CYP51A1: variants seen among roughly 807,000 people sequenced by gnomAD.
CYP51A1 encodes cytochrome P450 family 51 subfamily A member 1, also known as lanosterol 14-alpha demethylase.
In CYP51A1, 45 loss-of-function variants were observed where a neutral mutation model predicts 53.5. The observed-to-expected ratio is 0.84, with a 90% CI of 0.66 to 1.08. The LOEUF (loss-of-function observed/expected upper bound fraction) is 1.08, where lower values mean the gene tolerates loss of function less well. CYP51A1 is among the 50% of genes least tolerant of loss of function. The probability of loss-of-function intolerance (pLI) is 0.00; values close to 1 mark genes in which losing one functional copy is unlikely to be tolerated. For synonymous variants in CYP51A1, 181 were observed against 217.7 expected (o/e 0.83, Z 1.48); for missense variants, 462 against 621.7 (o/e 0.74, Z 2.73).
At chr7:92,131,657 T>G (rs1361502394) in intron 2 of CYP51A1, 117 bp downstream of exon 2, 2 of 586,188 alleles carry the variant, frequency 3.4e-6, no homozygotes, top group East Asian at 5.8e-5. Flanking sequence ...TTTCCTATAC[T>G]GAGGATATGT....
At position 92,128,416 on chromosome 7, in the gene CYP51A1, TTTGG is replaced by T. The variant is rs535453898; in HGVS notation, c.468+460_468+463del. On this transcript the variant is annotated intron_variant, in intron 3 of 9. Coordinates refer to ENST00000003100, the MANE Select transcript of CYP51A1 (RefSeq NM_000786.4). ...GGTTCTACATTTTATTACATTTTTG[TTTGG>T]TTGGTTTCTGTGTGTGTGTGTGTGT... Among the ~76,000 whole-genome samples the T allele has an allele frequency of 2.8e-4, 39 of 141,252 alleles. No individual in the cohort carries two copies. In the South Asian group the frequency reaches 6.7e-3, roughly 24 times the overall value. 92.7% of individuals were successfully genotyped at this position (141,252 alleles called of 152,430 possible).
At position 92,131,869 on chromosome 7, in the gene CYP51A1, T is replaced by C. The variant is rs1352969867; in HGVS notation, c.196A>G (p.Ser66Gly). The change falls in exon 2 of 10, where the codon AGT becomes GGT. Residue 66 changes from serine to glycine, a missense_variant. Ser to Gly is a moderately conservative substitution (Grantham distance 56). Transcript: ENST00000003100. Reference sequence around the variant, plus strand: ...ATTGGGGAGAAAATGTATGGAGGACTTTTCTACAAGAGAAAAAAATAGTAA... The same window carrying C: ...ATTGGGGAGAAAATGTATGGAGGACCTTTCTACAAGAGAAAAAAATAGTAA... Reference protein sequence around the residue: ...HLVQLPAGVKSPPYIFSPIPF... With the variant: ...HLVQLPAGVKGPPYIFSPIPF... The C allele has an allele frequency of 3.8e-6, 6 of 1,564,684 alleles. No homozygotes were observed. Among genetic ancestry groups the C allele is most frequent in the Middle Eastern group, 3.3e-4 (2 of 5,994 alleles).
chr7:92,118,934 A>T (rs543647129), intron 7 of CYP51A1, among the ~76,000 whole-genome samples: 91 of 152,348 alleles, frequency 6.0e-4, no homozygotes, highest in African/African-American at 2.0e-3. Flanking sequence ...GCTTGCAACA[A>T]TCTAAGGAGA....
chr7:92,115,391 C>G (rs1819562588), intron 9 of CYP51A1, among the ~76,000 whole-genome samples: 1 of 151,984 alleles, frequency 6.6e-6, no homozygotes, highest in South Asian at 2.1e-4. Context: ...TATAAGAATG[C>G]CATGTTAAGA....
At position 92,126,352 on chromosome 7, in the gene CYP51A1, TGAC is replaced by T; in HGVS notation, c.668_670del (p.Ser223_Gln224delinsLys). Reference sequence around the variant, plus strand: ...CAGCTGTGCTACCTTTTCATTGAGTTGACTTCTGATTTCCTTTCCATGCAAACA... The same window carrying T: ...CAGCTGTGCTACCTTTTCATTGAGTTTTCTGATTTCCTTTCCATGCAAACA... On this transcript the variant is annotated inframe_deletion, in exon 5 of 10. Coordinates refer to ENST00000003100, the MANE Select transcript of CYP51A1 (RefSeq NM_000786.4). 6.2e-7 allele frequency: 1 copy of T among 1,613,552 alleles called. No homozygotes were observed. Among genetic ancestry groups the T allele is most frequent in the Non-Finnish European group, 8.5e-7 (1 of 1,179,790 alleles).
rs312262909 is a variant in CYP51A1 at position 92,134,352 on chromosome 7, C to T, written c.13G>A (p.Ala5Thr). 7.6e-6 allele frequency: 12 copies of T among 1,578,148 alleles called. No homozygotes were observed. The highest frequency in any genetic ancestry group is 1.1e-5 in the South Asian group (1 of 87,898). The change falls in exon 1 of 10, where the codon GCT becomes ACT. Residue 5 changes from alanine to threonine, a missense_variant. Ala to Thr is a moderately conservative substitution (Grantham distance 58). Coordinates refer to ENST00000003100, the MANE Select transcript of CYP51A1 (RefSeq NM_000786.4). MAAA[A>T]GMLLLGLLQA... is the part of the protein sequence containing the mutation. Reference sequence around the variant, plus strand: ...AGCAAGCCCAGCAGCAGCATCCCAGCCGCCGCCGCCATTCACTCCGTCGGA... The same window carrying T: ...AGCAAGCCCAGCAGCAGCATCCCAGTCGCCGCCGCCATTCACTCCGTCGGA...
chr7:92,117,996 A>AG (rs1403506616), intron 8 of CYP51A1, among the ~76,000 whole-genome samples: 1 of 151,980 alleles, frequency 6.6e-6, no homozygotes, highest in Non-Finnish European at 1.5e-5. Flanking sequence ...CTCAAAAAAA[A>AG]AAAAAACAGA....
chr7:92,125,888 A>C (rs1819790385), intron 5 of CYP51A1, among the ~76,000 whole-genome samples: 1 of 152,122 alleles, frequency 6.6e-6, no homozygotes, highest in Admixed American at 6.6e-5. Flanking sequence ...CCCAGCTCTC[A>C]GGAGGATGAG....
At chr7:92,118,206 T>G (rs1021368793) in intron 8 of CYP51A1, among the ~76,000 whole-genome samples, 1 of 152,134 alleles carries the variant, frequency 6.6e-6, no homozygotes, top group Non-Finnish European at 1.5e-5. Flanking sequence ...CAGGCAGCAA[T>G]GCAGTGGCGT....
intron 7 of CYP51A1, among the ~76,000 whole-genome samples, chr7:92,119,221 G>C (rs1282598304): frequency 3.3e-5 from 5 of 152,190 alleles, no homozygotes; most frequent in Admixed American, 3.3e-4. Flanking sequence ...AAGTTTAAAA[G>C]GGAAAACTGG....
At chr7:92,116,597 T>C (rs562432629) in intron 9 of CYP51A1, among the ~76,000 whole-genome samples, 4 of 152,346 alleles carry the variant, frequency 2.6e-5, no homozygotes, top group African/African-American at 7.2e-5. Context: ...CATTTTCTCA[T>C]ACGGATATTC....
intron 9 of CYP51A1, among the ~76,000 whole-genome samples, chr7:92,115,005 G>T (rs985560774): frequency 6.6e-6 from 1 of 152,152 alleles, no homozygotes; most frequent in Non-Finnish European, 1.5e-5. Context: ...AACAACTAAA[G>T]AGAAGCTTGG....
intron 2 of CYP51A1, among the ~76,000 whole-genome samples, chr7:92,129,449 T>C (rs958007721): frequency 6.6e-6 from 1 of 152,236 alleles, no homozygotes; most frequent in Non-Finnish European, 1.5e-5. Context: ...TCTTCCCCCT[T>C]TGGTTAAAAA....
intron 2 of CYP51A1, among the ~76,000 whole-genome samples, chr7:92,130,628 G>A (rs1390687602): frequency 6.6e-6 from 1 of 152,206 alleles, no homozygotes; most frequent in Non-Finnish European, 1.5e-5. Context: ...TTATTACTGT[G>A]ATAGGAAGAA....
intron 9 of CYP51A1, among the ~76,000 whole-genome samples, chr7:92,114,610 T>C (rs2130940095): frequency 6.6e-6 from 1 of 152,180 alleles, no homozygotes; most frequent in African/African-American, 2.4e-5. Context: ...GGGGGAAAAA[T>C]GAAATTCAAC....
At chr7:92,128,852 CTTTA>C in intron 3 of CYP51A1, 24 bp downstream of exon 3, 1 of 1,588,424 alleles carries the variant, frequency 6.3e-7, no homozygotes, top group East Asian at 2.2e-5. Context: ...ATAGATTTGT[CTTTA>C]TTTATGGTAA....
At chr7:92,114,726 CAG>C (rs1563176298) in intron 9 of CYP51A1, among the ~76,000 whole-genome samples, 4 of 152,174 alleles carry the variant, frequency 2.6e-5, no homozygotes, top group African/African-American at 7.2e-5. Flanking sequence ...CTTCATGACT[CAG>C]GGGCTAAGCA....
chr7:92,134,409 C>G lies in CYP51A1; in HGVS notation c.-45G>C. 2.0e-6 allele frequency: 3 copies of G among 1,501,558 alleles called. No homozygotes were observed. Among genetic ancestry groups the G allele is most frequent in the Non-Finnish European group, 2.7e-6 (3 of 1,117,988 alleles). 93.0% of individuals were successfully genotyped at this position (1,501,558 alleles called of 1,614,324 possible). ...GAAGGCCGAGGTCGCCACCGCTCCT[C>G]CCAATCGACGGAACGAGAGAAGCTG... On this transcript the variant is annotated 5_prime_UTR_variant, in exon 1 of 10. Transcript: ENST00000003100.
intron 1 of CYP51A1, among the ~76,000 whole-genome samples, chr7:92,133,517 T>G (rs1819966729): frequency 6.6e-6 from 1 of 152,244 alleles, no homozygotes; most frequent in South Asian, 2.1e-4. Context: ...TCCGCCCGCT[T>G]CGGCCTCCCG....
Sources: gnomAD v4.1 joint callset for allele counts (sites outside exome capture counted in the v4.1 genomes callset) on GRCh38, gnomAD v4.1.1 for gene constraint, MANE v1.5 for transcripts, NCBI Gene and HGNC (gene_info 2026-07-23, HGNC 2026-07-21) for gene names.